The following ACOT12 variants were observed in gnomAD, a reference collection of about 807,000 sequenced individuals.
ACOT12 encodes acyl-CoA thioesterase 12.
In ACOT12, 51 loss-of-function variants were observed where a neutral mutation model predicts 67.7. The observed-to-expected ratio is 0.75, with a 90% CI of 0.60 to 0.95. The LOEUF (loss-of-function observed/expected upper bound fraction) is 0.95, where lower values mean the gene tolerates loss of function less well. ACOT12 is among the 40% of genes least tolerant of loss of function. ACOT12 has a pLI of 0.00. For synonymous variants in ACOT12, 251 were observed against 244.6 expected (o/e 1.03, Z -0.24); for missense variants, 734 against 708.1 (o/e 1.04, Z -0.41).
At chr5:81,358,091 G>C (rs1234518902) in intron 5 of ACOT12, among the ~76,000 whole-genome samples, 1 of 151,726 alleles carries the variant, frequency 6.6e-6, no homozygotes, top group Non-Finnish European at 1.5e-5. Flanking sequence ...TTGTTTAGTG[G>C]CTTATTTCTA....
chr5:81,312,064 G>A, the ACOT12 span, among the ~76,000 whole-genome samples: 4 of 152,202 alleles, frequency 2.6e-5, no homozygotes, highest in Non-Finnish European at 4.4e-5. Context: ...CTAGAAGATA[G>A]TCTTTAGTAC....
the ACOT12 span, among the ~76,000 whole-genome samples, chr5:81,311,503 C>T: frequency 6.6e-6 from 1 of 152,048 alleles, no homozygotes; most frequent in Non-Finnish European, 1.5e-5. Flanking sequence ...GGGACCCTGA[C>T]TTTATAAGAC....
At position 81,330,957 on chromosome 5, in the gene ACOT12, T is replaced by C. The variant is rs1296185650; in HGVS notation, c.1392-17A>G. 1 of 1,574,776 alleles carries C rather than the reference T, an allele frequency of 6.4e-7. No individual in the cohort carries two copies. On this transcript the variant is annotated splice_polypyrimidine_tract_variant and intron_variant, in intron 13 of 14. Transcript: ENST00000307624. The stretch of plus-strand genomic sequence containing the variant: ...TAAGTGTTACTGAAAGAAAACACTT[T>C]CTAAGCTCTTGTGAGAAATAAAGAA...
intron 13 of ACOT12, 110 bp downstream of exon 13, chr5:81,332,367 T>C: frequency 8.2e-7 from 1 of 1,224,474 alleles, no homozygotes. Context: ...CAAATAAACA[T>C]AATTCAAGAG....
At chr5:81,337,208 G>A (rs1407931967) in intron 11 of ACOT12, among the ~76,000 whole-genome samples, 6 of 152,184 alleles carry the variant, frequency 3.9e-5, no homozygotes, top group Admixed American at 3.9e-4. Context: ...GTGGCTCTAG[G>A]ATGGCCTGCT....
In ACOT12 at chr5:81,388,860, C is replaced by T. The variant is rs145695462; in HGVS notation, c.128-3034G>A. Among the ~76,000 whole-genome samples the T allele has an allele frequency of 6.6e-4, 100 of 152,192 alleles. 1 individual carries two copies. The East Asian group carries it at 0.017, about 25-fold the overall frequency. On this transcript the variant is annotated intron_variant, in intron 1 of 14. Transcript: ENST00000307624. ...TTCTCATAATAGTGAATAAGCCTCA[C>T]GAGATGTGATGGTTTTATAAGGGGA...
chr5:81,309,917 A>G, the ACOT12 span, among the ~76,000 whole-genome samples: 1 of 152,184 alleles, frequency 6.6e-6, no homozygotes, highest in Non-Finnish European at 1.5e-5. Context: ...GGTATGTGCA[A>G]TAATGATACA....
intron 10 of ACOT12, among the ~76,000 whole-genome samples, chr5:81,343,169 AGAGT>A (rs1236572870): frequency 1.3e-5 from 2 of 152,054 alleles, no homozygotes; most frequent in Admixed American, 6.5e-5. Flanking sequence ...CCTGGGCGAC[AGAGT>A]GAGACTCTGT....
the ACOT12 span, among the ~76,000 whole-genome samples, chr5:81,309,794 A>G: frequency 6.6e-6 from 1 of 152,146 alleles, no homozygotes; most frequent in African/African-American, 2.4e-5. Context: ...TGATAAAACT[A>G]TATTTTATTG....
intron 5 of ACOT12, among the ~76,000 whole-genome samples, chr5:81,352,192 T>G (rs1561333040): frequency 1.3e-5 from 2 of 152,076 alleles, no homozygotes; most frequent in African/African-American, 4.8e-5. Flanking sequence ...TGAAGAACAG[T>G]TTGGAGGTTC....
intron 11 of ACOT12, among the ~76,000 whole-genome samples, chr5:81,336,394 C>G (rs73768072): frequency 0.013 from 2,054 of 152,236 alleles, 43 homozygotes; most frequent in African/African-American, 0.047. Context: ...ACTTCTAGAA[C>G]CATCTCAGCC....
chr5:81,379,487 A>AT (rs1171976331), intron 2 of ACOT12, among the ~76,000 whole-genome samples: 17 of 148,550 alleles, frequency 1.1e-4, no homozygotes, highest in Admixed American at 2.0e-4. Context: ...AATAATAATA[A>AT]AAAAAAAAGC....
At position 81,342,768 on chromosome 5, in the gene ACOT12, T is replaced by C; in HGVS notation, c.1045-13A>G. ...CACTCAGGGATGCCTAGAATAGAAA[T>C]ATTATATTTTTAAAGCTATGTGTTC... On this transcript the variant is annotated splice_polypyrimidine_tract_variant and intron_variant, in intron 10 of 14. Coordinates refer to ENST00000307624, the MANE Select transcript of ACOT12 (RefSeq NM_130767.3). 2.5e-6 allele frequency: 4 copies of C among 1,612,654 alleles called. No homozygotes were observed. The highest frequency in any genetic ancestry group is 3.4e-6 in the Non-Finnish European group (4 of 1,178,758).
intron 2 of ACOT12, among the ~76,000 whole-genome samples, chr5:81,384,587 G>A (rs1760677498): frequency 6.6e-6 from 1 of 152,174 alleles, no homozygotes; most frequent in African/African-American, 2.4e-5. Context: ...TAGCCTAGGA[G>A]CAATAGGCTA....
chr5:81,311,421 C>A, the ACOT12 span: 3 of 895,894 alleles, frequency 3.3e-6, no homozygotes, highest in Non-Finnish European at 5.3e-6. Flanking sequence ...GACTTAATCT[C>A]TGTCAGCAAT....
chr5:81,333,798 G>C (rs932407336), intron 12 of ACOT12, among the ~76,000 whole-genome samples: 3 of 151,642 alleles, frequency 2.0e-5, no homozygotes, highest in Non-Finnish European at 4.4e-5. Context: ...TGTTGGGTAG[G>C]GAAGGGCAGG....
At chr5:81,335,107 G>A (rs2153844067) in intron 12 of ACOT12, among the ~76,000 whole-genome samples, 1 of 152,342 alleles carries the variant, frequency 6.6e-6, no homozygotes, top group Non-Finnish European at 1.5e-5. Flanking sequence ...CAATGAGGTT[G>A]CATATTAAAG....
intron 3 of ACOT12, among the ~76,000 whole-genome samples, chr5:81,367,242 C>T (rs77229062): frequency 0.014 from 2,058 of 152,100 alleles, 14 homozygotes; most frequent in Middle Eastern, 0.027. Context: ...ATACACAATA[C>T]GCAAAAGAAT....
intron 3 of ACOT12, among the ~76,000 whole-genome samples, chr5:81,364,967 C>T (rs1446604340): frequency 6.6e-6 from 1 of 151,922 alleles, no homozygotes; most frequent in Admixed American, 6.6e-5. Context: ...CATGTATTTA[C>T]AGCTTTGTTT....
Sources: gnomAD v4.1 joint callset for allele counts (sites outside exome capture counted in the v4.1 genomes callset) on GRCh38, gnomAD v4.1.1 for gene constraint, MANE v1.5 for transcripts, NCBI Gene and HGNC (gene_info 2026-07-23, HGNC 2026-07-21) for gene names.